The following RFX3 variants were observed in gnomAD, a reference collection of about 807,000 sequenced individuals.
RFX3 encodes the protein transcription factor RFX3.
Under a neutral mutation model 98.6 loss-of-function variants are expected in RFX3, and 14 were observed. That is an observed-to-expected ratio of 0.14 (90% CI 0.09 to 0.22). The LOEUF (loss-of-function observed/expected upper bound fraction) is 0.22, where lower values mean the gene tolerates loss of function less well. Ranked by LOEUF, RFX3 falls within the 10% of genes least tolerant of loss-of-function variation. The pLI is 1.00. For missense variants in RFX3, 639 were observed against 926.9 expected, an observed-to-expected ratio of 0.69 and a Z score of 4.03; for synonymous variants, 383 against 328.4, an observed-to-expected ratio of 1.17 and a Z score of -1.80.
intron 11 of RFX3, among the ~76,000 whole-genome samples, chr9:3,268,800 G>A (rs1823999176): frequency 6.6e-6 from 1 of 151,930 alleles, no homozygotes. Context: ...TTATGGTGCT[G>A]TTACAGAAGC....
intron 1 of RFX3, among the ~76,000 whole-genome samples, chr9:3,472,881 T>A (rs1047886722): frequency 4.6e-5 from 7 of 152,228 alleles, no homozygotes; most frequent in Admixed American, 1.3e-4. Flanking sequence ...TTTCTATTAA[T>A]GTTGCACAGC....
intron 2 of RFX3, among the ~76,000 whole-genome samples, chr9:3,370,138 G>A (rs929111076): frequency 6.7e-6 from 1 of 149,352 alleles, no homozygotes; most frequent in African/African-American, 2.5e-5. Flanking sequence ...ACCACGCCCA[G>A]CCCAGAGCAG....
intron 1 of RFX3, among the ~76,000 whole-genome samples, chr9:3,430,613 T>C (rs892311392): frequency 1.3e-5 from 2 of 152,180 alleles, no homozygotes; most frequent in African/African-American, 4.8e-5. Flanking sequence ...CCACTTGCCA[T>C]AATTGTGTCC....
intron 1 of RFX3, among the ~76,000 whole-genome samples, chr9:3,459,408 G>GT (rs1423910610): frequency 3.3e-5 from 5 of 152,062 alleles, no homozygotes; most frequent in Non-Finnish European, 7.4e-5. Flanking sequence ...AAGACACATG[G>GT]TAAGTTTCAG....
chr9:3,445,934 A>G (rs114027099), intron 1 of RFX3, among the ~76,000 whole-genome samples: 1,813 of 152,160 alleles, frequency 0.012, 33 homozygotes, highest in African/African-American at 0.041. Flanking sequence ...CTTTGGTGAA[A>G]TCTTCTTTGA....
At chr9:3,493,681 TCAA>T (rs1428509502) in intron 1 of RFX3, among the ~76,000 whole-genome samples, 1 of 52,502 alleles carries the variant, frequency 1.9e-5, no homozygotes, top group Non-Finnish European at 3.1e-5. Context: ...GAGACTCATC[TCAA>T]AAAAAAAAAA....
chr9:3,309,503 C>T (rs1222977483), intron 4 of RFX3, among the ~76,000 whole-genome samples: 1 of 151,332 alleles, frequency 6.6e-6, no homozygotes, highest in Admixed American at 6.6e-5. Flanking sequence ...GAGGCTTGTG[C>T]CACATCTGTC....
At chr9:3,369,870 C>T (rs1033251815) in intron 2 of RFX3, among the ~76,000 whole-genome samples, 3 of 152,104 alleles carry the variant, frequency 2.0e-5, no homozygotes, top group South Asian at 4.1e-4. Flanking sequence ...TGATCTGTCG[C>T]CCAGGCTGGA....
intron 1 of RFX3, among the ~76,000 whole-genome samples, chr9:3,485,349 A>T (rs1331974928): frequency 1.3e-5 from 2 of 152,174 alleles, no homozygotes; most frequent in African/African-American, 4.8e-5. Context: ...CACTTTGCAT[A>T]AGTCCTTTAC....
chr9:3,508,200 T>C (rs1195088114), intron 1 of RFX3, among the ~76,000 whole-genome samples: 2 of 151,950 alleles, frequency 1.3e-5, no homozygotes, highest in Admixed American at 6.6e-5. Flanking sequence ...ACGTTCCATA[T>C]TTGAGTTTCC....
At chr9:3,247,876 T>C in intron 15 of RFX3, 156 bp downstream of exon 15, 1 of 1,608,940 alleles carries the variant, frequency 6.2e-7, no homozygotes, top group Non-Finnish European at 8.5e-7. Flanking sequence ...ACAGAGGAAT[T>C]TAAGGAACTC....
chr9:3,420,791 C>T, intron 1 of RFX3: 2 of 985,202 alleles, frequency 2.0e-6, no homozygotes, highest in Non-Finnish European at 2.4e-6. Flanking sequence ...TCCTTACCTC[C>T]ATTCATTCCT....
At chr9:3,344,546 A>T (rs142320316) in intron 3 of RFX3, among the ~76,000 whole-genome samples, 17 of 152,274 alleles carry the variant, frequency 1.1e-4, no homozygotes, top group African/African-American at 3.8e-4. Flanking sequence ...ACCAGTACAA[A>T]ATGAGAAATA....
At chr9:3,364,571 C>T (rs74606325) in intron 2 of RFX3, 6,968 of 163,568 alleles carry the variant, frequency 0.043, 554 homozygotes, top group African/African-American at 0.16. Flanking sequence ...TTGGTTGATG[C>T]CATCCAGGCA....
chr9:3,525,899 C>T lies in RFX3; in HGVS notation c.-161G>A. 1 of 982,488 alleles carries T rather than the reference C, an allele frequency of 1.0e-6. No individual in the cohort carries two copies. The highest frequency in any genetic ancestry group is 1.8e-5 in the African/African-American group (1 of 56,394). 60.9% of individuals were successfully genotyped at this position (982,488 alleles called of 1,614,324 possible). The stretch of plus-strand genomic sequence containing the variant: ...TACGGTGACTATGGCGCTTGATTCA[C>T]AAGGCAACGGTTGCTATAACTCACA... On this transcript the variant is annotated 5_prime_UTR_variant, in exon 1 of 17. In the 5' UTR this introduces an upstream ATG that the reference lacks. Transcript: ENST00000617270.
intron 16 of RFX3, among the ~76,000 whole-genome samples, 166 bp from the exon 17 acceptor site, chr9:3,225,446 T>C (rs117305826): frequency 3.7e-4 from 57 of 152,346 alleles, no homozygotes; most frequent in Non-Finnish European, 6.9e-4. Context: ...TTTATTCATA[T>C]CAATGCTGTA....
chr9:3,523,023 A>G (rs1818873824), intron 1 of RFX3, among the ~76,000 whole-genome samples: 1 of 152,184 alleles, frequency 6.6e-6, no homozygotes, highest in Admixed American at 6.5e-5. Flanking sequence ...TTTAATGAAA[A>G]CATTGTGAAA....
rs1261862160 is a variant in RFX3, at chr9:3,270,389, C to T, written c.1339G>A (p.Val447Ile). 1.2e-6 allele frequency: 2 copies of T among 1,613,416 alleles called. No homozygotes were observed. Among genetic ancestry groups the T allele is most frequent in the Non-Finnish European group, 1.7e-6 (2 of 1,179,696 alleles). Reference sequence around the variant, plus strand: ...AACTTACTAGGAATAGGTCTAAGGACGTCGGGGATGAGAATCTCCACCAAA... The same window carrying T: ...AACTTACTAGGAATAGGTCTAAGGATGTCGGGGATGAGAATCTCCACCAAA... The part of the protein sequence containing the change: ...QALVEILIPD[V>I]LRPIPSALTQ... Residue 447 changes from valine (V) to isoleucine (I), a missense_variant, in exon 11 of 17, where the codon GTC becomes ATC. Val to Ile is a conservative substitution (Grantham distance 29). This residue lies in a region of RFX3 where 138 missense variants were observed against 308.9 expected (regional missense o/e 0.45). Coordinates refer to ENST00000617270, the MANE Select transcript of RFX3 (RefSeq NM_001282116.2).
chr9:3,523,127 CA>C (rs1818883504), intron 1 of RFX3, among the ~76,000 whole-genome samples: 1 of 152,020 alleles, frequency 6.6e-6, no homozygotes, highest in African/African-American at 2.4e-5. Context: ...CAAAACACAC[CA>C]AAACGACTGA....
Sources: gnomAD v4.1 joint callset for allele counts (sites outside exome capture counted in the v4.1 genomes callset) on GRCh38, gnomAD v4.1.1 for gene constraint, gnomAD v4.1.1 regional missense constraint, MANE v1.5 for transcripts, NCBI Gene and HGNC (gene_info 2026-07-23, HGNC 2026-07-21) for gene names.